Variants in SSX2IP observed in about 807,000 individuals in gnomAD.
SSX2IP encodes afadin- and alpha-actinin-binding protein.
Under a neutral mutation model 84.9 loss-of-function variants are expected in SSX2IP, and 55 were observed. The ratio of observed to expected loss-of-function variants is 0.65; its 90% CI spans 0.52 to 0.81. SSX2IP has a LOEUF of 0.81. Among genes scored for constraint, SSX2IP ranks in the 30% least tolerant of loss-of-function variants. SSX2IP has a pLI of 0.00. For missense variants in SSX2IP, 664 were observed against 705.2 expected (o/e 0.94, Z 0.66); for synonymous variants, 239 against 234.7 (o/e 1.02, Z -0.17).
Position 84,650,398 on chromosome 1 carries a change from T to C in SSX2IP, c.1634A>G (p.Asp545Gly). The part of the protein sequence containing the change: ...KSLPASPSTS[D>G]FCQTRSCISE... Reference sequence around the variant, plus strand: ...TATGCAGGAACGTGTCTGGCAAAAGTCTGAAGTGGAAGGTGAAGCAGGAAG... The same window carrying C: ...TATGCAGGAACGTGTCTGGCAAAAGCCTGAAGTGGAAGGTGAAGCAGGAAG... The change falls in exon 13 of 14, where the codon GAC becomes GGC. Residue 545 changes from aspartate (D) to glycine (G), a missense_variant. By Grantham distance (94) the Asp-to-Gly change is moderately conservative. Transcript: ENST00000342203. 6.2e-7 allele frequency: 1 copy of C among 1,614,164 alleles called. No homozygotes were observed. The highest frequency in any genetic ancestry group is 1.1e-5 in the South Asian group (1 of 91,088).
intron 10 of SSX2IP, 69 bp from the exon 11 acceptor site, chr1:84,656,074 C>A: frequency 7.3e-7 from 1 of 1,373,886 alleles, no homozygotes; most frequent in Non-Finnish European, 1.0e-6. Flanking sequence ...GAAATGAAAG[C>A]AAGGGAAGGC....
intron 1 of SSX2IP, among the ~76,000 whole-genome samples, chr1:84,672,886 G>A (rs951058849): frequency 2.6e-5 from 4 of 152,078 alleles, no homozygotes; most frequent in African/African-American, 7.2e-5. Flanking sequence ...CTTAGCCGGC[G>A]TGGTGGCATG....
intron 11 of SSX2IP, chr1:84,655,492 T>A: frequency 7.6e-7 from 1 of 1,317,592 alleles, no homozygotes. Flanking sequence ...TAGTCTTGGT[T>A]GCACTGTCTT....
At position 84,645,509 on chromosome 1, in the gene SSX2IP, A is replaced by C. The variant is rs1333118370; in HGVS notation, c.*1924T>G. On this transcript the variant is annotated 3_prime_UTR_variant, in exon 14 of 14. Coordinates refer to ENST00000342203, the MANE Select transcript of SSX2IP (RefSeq NM_001166293.2). ...TTTAAAATGGAAACACGCAACAAAA[A>C]ACAGATGCTGCTTTCTAGAACTCCA... The C allele has an allele frequency of 6.6e-6, 1 of 152,204 alleles. No homozygotes were observed. The highest frequency in any genetic ancestry group is 6.5e-5 in the Admixed American group (1 of 15,272). 9.4% of individuals were successfully genotyped at this position (152,204 alleles called of 1,614,324 possible).
chr1:84,650,010 C>T, intron 13 of SSX2IP: 1 of 631,886 alleles, frequency 1.6e-6, no homozygotes, highest in Non-Finnish European at 2.9e-6. Context: ...TCTACAAAAA[C>T]TGTCAAAACA....
rs1235609980 is a variant in SSX2IP, at chr1:84,644,387, A to G, written c.*3046T>C. ...GCAGGCAGCGTGCTTATCTGTCTTC[A>G]TATCACCAAGGATTGGAAAGCAGTA... On this transcript the variant is annotated 3_prime_UTR_variant, in exon 14 of 14. Transcript: ENST00000342203. The G allele has an allele frequency of 1.3e-5, 2 of 152,192 alleles. No homozygotes were observed. Among genetic ancestry groups the G allele is most frequent in the Admixed American group, 6.5e-5 (1 of 15,274 alleles). The allele number at this position is 152,192 out of a possible 1,614,324, so 9.4% of individuals were successfully genotyped here. A position where few individuals can be genotyped will look rare whatever the true frequency, so the allele number is the denominator to read the frequency against.
chr1:84,679,782 G>A (rs1197320163), intron 1 of SSX2IP, among the ~76,000 whole-genome samples: 2 of 152,110 alleles, frequency 1.3e-5, no homozygotes, highest in African/African-American at 2.4e-5. Context: ...AATGCTTTAC[G>A]TATGTAATTA....
Position 84,666,311 on chromosome 1 carries a change from G to GA in SSX2IP, c.427-80dup, listed in dbSNP as rs372310985. 89 of 1,018,834 alleles carry GA rather than the reference G, an allele frequency of 8.7e-5. No individual in the cohort carries two copies. In the African/African-American group the frequency reaches 1.2e-3, roughly 13 times the overall value. The allele number at this position is 1,018,834 out of a possible 1,614,324, so 63.1% of individuals were successfully genotyped here. ...TGAATCCTTAAAATATCAGTAACAA[G>GA]AAGTTATACATCCTAGTGTTTATTA... On this transcript the variant is annotated intron_variant, in intron 4 of 13. Transcript: ENST00000342203.
At chr1:84,665,635 T>A (rs768716305) in intron 5 of SSX2IP, among the ~76,000 whole-genome samples, 1 of 152,140 alleles carries the variant, frequency 6.6e-6, no homozygotes, top group Non-Finnish European at 1.5e-5. Context: ...AAAGCAGAAA[T>A]CAGAATTGTA....
intron 5 of SSX2IP, among the ~76,000 whole-genome samples, chr1:84,665,158 C>T (rs956655421): frequency 2.6e-5 from 4 of 152,148 alleles, no homozygotes; most frequent in East Asian, 1.9e-4. Context: ...TTTTATAAAG[C>T]CATTCCCAGT....
In SSX2IP at chr1:84,662,483, A is replaced by G; in HGVS notation, c.721T>C (p.Ser241Pro). 1 of 1,614,034 alleles carries G rather than the reference A, an allele frequency of 6.2e-7. No homozygotes were observed. Among genetic ancestry groups the G allele is most frequent in the Non-Finnish European group, 8.5e-7 (1 of 1,179,922 alleles). ...GCTTCAGTTTTACCAGTCCTCCAGG[A>G]GCCTCTTTTTCCATCAGCTCTCCCG... Reference protein sequence around the residue: ...YVGRADGKRGSWRTGKTEARN... With the variant: ...YVGRADGKRGPWRTGKTEARN... The change falls in exon 7 of 14, where the codon TCC becomes CCC. Residue 241 changes from serine (S) to proline (P), a missense_variant. Ser to Pro is a moderately conservative substitution (Grantham distance 74). Coordinates refer to ENST00000342203, the MANE Select transcript of SSX2IP (RefSeq NM_001166293.2).
chr1:84,671,299 T>C lies in SSX2IP; in HGVS notation c.-80A>G. Reference sequence around the variant, plus strand: ...GTCTAGCTGCTGTCACTCTTCTATGTAGGCATCTCCTTAAAAAGCAGATTA... The same window carrying C: ...GTCTAGCTGCTGTCACTCTTCTATGCAGGCATCTCCTTAAAAAGCAGATTA... On this transcript the variant is annotated 5_prime_UTR_variant, in exon 2 of 14. Coordinates refer to ENST00000342203, the MANE Select transcript of SSX2IP (RefSeq NM_001166293.2). The C allele has an allele frequency of 7.6e-6, 12 of 1,569,702 alleles. No homozygotes were observed. The highest frequency in any genetic ancestry group is 1.7e-4 in the Middle Eastern group (1 of 5,862).
chr1:84,683,878 A>G (rs368404254), intron 1 of SSX2IP, among the ~76,000 whole-genome samples: 11 of 152,322 alleles, frequency 7.2e-5, no homozygotes, highest in African/African-American at 2.6e-4. Context: ...AATTCTTCCA[A>G]TGTACACACA....
chr1:84,673,354 G>C (rs990118216), intron 1 of SSX2IP, among the ~76,000 whole-genome samples: 1 of 152,110 alleles, frequency 6.6e-6, no homozygotes, highest in Non-Finnish European at 1.5e-5. Flanking sequence ...CCAGGTAAAG[G>C]AAACAGCAGA....
intron 1 of SSX2IP, among the ~76,000 whole-genome samples, chr1:84,676,647 G>A (rs1654370850): frequency 6.7e-6 from 1 of 149,650 alleles, no homozygotes; most frequent in Admixed American, 6.7e-5. Context: ...CAACAGGTTT[G>A]CCCAAGGTCA....
rs1196274181 is a variant in SSX2IP, at chr1:84,658,482, G to A, written c.928-14C>T. The A allele has an allele frequency of 1.9e-6, 3 of 1,611,344 alleles. No individual in the cohort carries two copies. The highest frequency in any genetic ancestry group is 2.5e-6 in the Non-Finnish European group (3 of 1,178,466). On this transcript the variant is annotated splice_polypyrimidine_tract_variant and intron_variant, in intron 8 of 13. Coordinates refer to ENST00000342203, the MANE Select transcript of SSX2IP (RefSeq NM_001166293.2). ...ATCGGAAATAACCTACAAGCGGAGA[G>A]AGATGAAGAGGAAAGGCTAGTACCT...
At chr1:84,673,250 G>T (rs961010614) in intron 1 of SSX2IP, among the ~76,000 whole-genome samples, 1 of 152,174 alleles carries the variant, frequency 6.6e-6, no homozygotes, top group South Asian at 2.1e-4. Context: ...GGAGCATCTA[G>T]ATCAGTGAGA....
chr1:84,650,596 C>A, intron 12 of SSX2IP, 69 bp from the exon 13 acceptor site: 2 of 1,533,488 alleles, frequency 1.3e-6, no homozygotes, highest in South Asian at 1.1e-5. Context: ...GAAGGTAAAT[C>A]ATCAGGATGA....
intron 1 of SSX2IP, among the ~76,000 whole-genome samples, chr1:84,676,056 C>T (rs1365463430): frequency 1.3e-5 from 2 of 152,194 alleles, no homozygotes; most frequent in Non-Finnish European, 2.9e-5. Flanking sequence ...TGTCTTTAAC[C>T]TTGGCAAAAT....
Sources: gnomAD v4.1 joint callset for allele counts (sites outside exome capture counted in the v4.1 genomes callset) on GRCh38, gnomAD v4.1.1 for gene constraint, MANE v1.5 for transcripts, NCBI Gene and HGNC (gene_info 2026-07-23, HGNC 2026-07-21) for gene names.